Variants in NCOA1 observed in about 807,000 individuals in gnomAD.
NCOA1 encodes nuclear receptor coactivator 1.
NCOA1 carries 35 observed loss-of-function variants against 150.9 expected under a neutral mutation model. The observed-to-expected ratio is 0.23, with a 90% CI of 0.18 to 0.31. The LOEUF (loss-of-function observed/expected upper bound fraction) is 0.31. NCOA1 is among the 10% of genes least tolerant of loss of function. The probability of loss-of-function intolerance (pLI) is 1.00; values close to 1 mark genes in which losing one functional copy is unlikely to be tolerated. For missense variants in NCOA1, 1,491 were observed against 1,749.3 expected, an observed-to-expected ratio of 0.85 and a Z score of 2.63; for synonymous variants, 590 against 630.0, an observed-to-expected ratio of 0.94 and a Z score of 0.95.
rs781708093 is a variant in NCOA1, at chr2:24,741,952, C to T, written c.3472C>T (p.Arg1158Cys). Residue 1158 changes from arginine to cysteine, a missense_variant, in exon 19 of 23, where the codon CGT becomes TGT. Physicochemically the swap from Arg to Cys is radical, Grantham distance 180. This residue lies in a region of NCOA1 where 485 missense variants were observed against 522.8 expected (regional missense o/e 0.93). Transcript: ENST00000348332. Reference sequence around the variant, plus strand: ...ACTACCAGTTCAAATGGGGAACCCCCGTCTTCCTCAGGGTGCTCCACAGCA... The same window carrying T: ...ACTACCAGTTCAAATGGGGAACCCCTGTCTTCCTCAGGGTGCTCCACAGCA... ...SGLPVQMGNP[R>C]LPQGAPQQFP... is the part of the protein sequence containing the mutation. The T allele has an allele frequency of 1.9e-5, 30 of 1,614,114 alleles. 1 individual carries two copies. Among genetic ancestry groups the T allele is most frequent in the South Asian group, 7.7e-5 (7 of 91,090 alleles).
chr2:24,627,125 T>TTTTG lies in NCOA1; in HGVS notation c.-174-16838_-174-16837insGTTT, dbSNP rs1357693436. ...CCTGTTTTTTTGTTTTTTGCTGTTT[T>TTTTG]TTTTTTTTTTTTTTTTTTAAGTTAA... On this transcript the variant is annotated intron_variant, in intron 3 of 22. Transcript: ENST00000348332. Among the ~76,000 whole-genome samples the TTTTG allele has an allele frequency of 6.5e-4, 76 of 116,316 alleles. 1 individual carries two copies. Among genetic ancestry groups the TTTTG allele is most frequent in the African/African-American group, 2.0e-3 (72 of 35,472 alleles). The allele number at this position is 116,316 out of a possible 152,430, so 76.3% of individuals were successfully genotyped here.
intron 1 of NCOA1, among the ~76,000 whole-genome samples, chr2:24,494,423 A>G (rs1009811072): frequency 1.3e-5 from 2 of 152,084 alleles, no homozygotes; most frequent in South Asian, 2.1e-4. Context: ...TGCATATCTT[A>G]TGGAGTTGGC....
At chr2:24,654,326 T>C (rs1438243890) in intron 4 of NCOA1, among the ~76,000 whole-genome samples, 1 of 152,216 alleles carries the variant, frequency 6.6e-6, no homozygotes, top group Non-Finnish European at 1.5e-5. Context: ...GTGTGTTCCT[T>C]CCTCTCCAGT....
At position 24,605,829 on chromosome 2, in the gene NCOA1, A is replaced by G. The variant is rs562513463; in HGVS notation, c.-175+21269A>G. ...CCACTTTTAGGCCTGGCCCACAAAAATCTGCCATGCATCATCATTCAGTTT... is the reference window on the plus strand; with the variant it reads ...CCACTTTTAGGCCTGGCCCACAAAAGTCTGCCATGCATCATCATTCAGTTT... On this transcript the variant is annotated intron_variant, in intron 3 of 22. Coordinates refer to ENST00000348332, the MANE Select transcript of NCOA1 (RefSeq NM_003743.5). Among the ~76,000 whole-genome samples the G allele has an allele frequency of 6.9e-4, 105 of 152,346 alleles. 1 individual carries two copies. Among genetic ancestry groups the G allele is most frequent in the African/African-American group, 2.4e-3 (100 of 41,578 alleles).
chr2:24,730,040 T>C (rs762615372), intron 17 of NCOA1, among the ~76,000 whole-genome samples: 2 of 152,106 alleles, frequency 1.3e-5, no homozygotes, highest in African/African-American at 2.4e-5. Context: ...AAGACAGGGT[T>C]TCACCATATT....
intron 18 of NCOA1, among the ~76,000 whole-genome samples, chr2:24,740,642 T>C (rs796290006): frequency 1.3e-5 from 2 of 152,326 alleles, no homozygotes; most frequent in African/African-American, 4.8e-5. Context: ...CTGAAGTTGT[T>C]GGTAAGCAGC....
rs1034065067 is a variant in NCOA1, at chr2:24,707,841, A to G, written c.2371A>G (p.Met791Val). 10 of 1,612,540 alleles carry G rather than the reference A, an allele frequency of 6.2e-6. No individual in the cohort carries two copies. Among genetic ancestry groups the G allele is most frequent in the Admixed American group, 3.4e-5 (2 of 59,678 alleles). ...MDPCNTNPTP[M>V]TKPTPEEIKL... ...TCCATGTAATACAAACCCAACCCCA[A>G]TGACCAAACCCACTCCTGAGGAAAT... Residue 791 changes from methionine (M) to valine (V), a missense_variant, in exon 13 of 23, where the codon ATG becomes GTG. By Grantham distance (21) the Met-to-Val change is conservative. This residue lies in a region of NCOA1 where 703 missense variants were observed against 717.7 expected (regional missense o/e 0.98). Coordinates refer to ENST00000348332, the MANE Select transcript of NCOA1 (RefSeq NM_003743.5).
intron 2 of NCOA1, among the ~76,000 whole-genome samples, chr2:24,576,587 T>C (rs978958916): frequency 6.6e-6 from 1 of 152,220 alleles, no homozygotes; most frequent in Non-Finnish European, 1.5e-5. Context: ...TTTCTGGTAG[T>C]ATAAACTGGG....
intron 3 of NCOA1, among the ~76,000 whole-genome samples, chr2:24,612,941 G>T (rs1176636006): frequency 1.3e-5 from 2 of 152,080 alleles, no homozygotes; most frequent in Non-Finnish European, 2.9e-5. Context: ...TTATTGAGTG[G>T]TGTCACTACG....
rs780016439 is a variant in NCOA1 at position 24,707,886 on chromosome 2, C to G, written c.2416C>G (p.Gln806Glu). 1 of 1,581,818 alleles carries G rather than the reference C, an allele frequency of 6.3e-7. No homozygotes were observed. Among genetic ancestry groups the G allele is most frequent in the Non-Finnish European group, 8.5e-7 (1 of 1,169,786 alleles). The stretch of plus-strand genomic sequence containing the variant: ...GGAAATAAAACTGGAGGCCCAGAGC[C>G]AGGTGGGTAACTGCTTGCTTCACAG... ...PEEIKLEAQS[Q>E]FTADLDQFDQ... The change falls in exon 13 of 23, where the codon CAG becomes GAG. Residue 806 changes from glutamine (Q) to glutamate (E), a missense_variant and splice_region_variant. Around this residue, in one of 8 missense-constraint regions of NCOA1, gnomAD observed 703 missense variants for 717.7 expected, o/e 0.98. Transcript: ENST00000348332.
chr2:24,696,314 A>G (rs1261034636), intron 10 of NCOA1, among the ~76,000 whole-genome samples: 2 of 152,212 alleles, frequency 1.3e-5, no homozygotes, highest in Admixed American at 6.5e-5. Context: ...AAACTGGATG[A>G]TAGATTTGAG....
At chr2:24,630,875 A>G (rs1022925790) in intron 3 of NCOA1, among the ~76,000 whole-genome samples, 6 of 152,210 alleles carry the variant, frequency 3.9e-5, no homozygotes, top group African/African-American at 9.7e-5. Flanking sequence ...TGTAAAGTCT[A>G]TGGGAAAGTC....
At chr2:24,600,362 C>T (rs1281175087) in intron 3 of NCOA1, among the ~76,000 whole-genome samples, 1 of 152,112 alleles carries the variant, frequency 6.6e-6, no homozygotes, top group Non-Finnish European at 1.5e-5. Context: ...TGTGCCACCA[C>T]GCCCTGCTAA....
chr2:24,514,019 T>C (rs899907886), intron 1 of NCOA1, among the ~76,000 whole-genome samples: 4 of 152,148 alleles, frequency 2.6e-5, no homozygotes, highest in Non-Finnish European at 5.9e-5. Flanking sequence ...CCAGGTGCGG[T>C]GGCTCATGCC....
chr2:24,538,018 T>G (rs1665238894), intron 1 of NCOA1, among the ~76,000 whole-genome samples: 1 of 152,198 alleles, frequency 6.6e-6, no homozygotes, highest in Non-Finnish European at 1.5e-5. Flanking sequence ...AGTTAAGAAA[T>G]TTATCTTGCT....
At chr2:24,530,198 A>C (rs1664823278) in intron 1 of NCOA1, among the ~76,000 whole-genome samples, 1 of 152,116 alleles carries the variant, frequency 6.6e-6, no homozygotes, top group Non-Finnish European at 1.5e-5. Context: ...TATTCAATAC[A>C]GTGTGGATTT....
rs187658907 is a variant in NCOA1, at chr2:24,617,883, G to A, written c.-174-26083G>A. ...TAAAAACTGTGATATACACACACAC[G>A]CACACACGCAGAAATATTTTACAGA... On this transcript the variant is annotated intron_variant, in intron 3 of 22. Transcript: ENST00000348332. Among the ~76,000 whole-genome samples the A allele has an allele frequency of 2.0e-3, 305 of 151,618 alleles. 2 individuals are homozygous for A. Among genetic ancestry groups the A allele is most frequent in the Non-Finnish European group, 2.6e-3 (178 of 67,912 alleles).
At chr2:24,681,265 G>A (rs1672150414) in intron 7 of NCOA1, among the ~76,000 whole-genome samples, 1 of 152,152 alleles carries the variant, frequency 6.6e-6, no homozygotes, top group Non-Finnish European at 1.5e-5. Context: ...GTGGGAGGCT[G>A]AAGCAGGAGT....
At chr2:24,639,021 A>C (rs2148450527) in intron 3 of NCOA1, among the ~76,000 whole-genome samples, 1 of 152,110 alleles carries the variant, frequency 6.6e-6, no homozygotes, top group South Asian at 2.1e-4. Context: ...TTTTTTGTAA[A>C]TCTGTACTCA....
Sources: gnomAD v4.1 joint callset for allele counts (sites outside exome capture counted in the v4.1 genomes callset) on GRCh38, gnomAD v4.1.1 for gene constraint, gnomAD v4.1.1 regional missense constraint, MANE v1.5 for transcripts, NCBI Gene and HGNC (gene_info 2026-07-23, HGNC 2026-07-21) for gene names.